The following ZBBX variants were observed in gnomAD, a reference collection of about 807,000 sequenced individuals.
The protein encoded by ZBBX is zinc finger B-box domain-containing protein 1.
In ZBBX, 101 loss-of-function variants were observed where a neutral mutation model predicts 108.5. That is an observed-to-expected ratio of 0.93 (90% CI 0.79 to 1.10). The LOEUF (loss-of-function observed/expected upper bound fraction) is 1.10, where lower values mean the gene tolerates loss of function less well. Ranked by LOEUF, ZBBX falls within the 50% of genes least tolerant of loss-of-function variation. The pLI is 0.00. For synonymous variants in ZBBX, 356 were observed against 323.4 expected (o/e 1.10, Z -1.08); for missense variants, 1,009 against 941.4 (o/e 1.07, Z -0.94).
chr3:167,248,870 G>A (rs1027926841), intron 20 of ZBBX, among the ~76,000 whole-genome samples: 3 of 152,206 alleles, frequency 2.0e-5, no homozygotes, highest in African/African-American at 4.8e-5. Context: ...TCCCTGCTTC[G>A]TGGGTACATA....
At chr3:167,235,162 C>T (rs1440144698), downstream of ZBBX, among the ~76,000 whole-genome samples, 1 of 151,624 alleles carries the variant, frequency 6.6e-6, no homozygotes, top group African/African-American at 2.4e-5. Flanking sequence ...CCTAACTTAT[C>T]CAGTAGCCTA....
At chr3:167,210,560 T>C in the ZBBX span, among the ~76,000 whole-genome samples, 1 of 152,096 alleles carries the variant, frequency 6.6e-6, no homozygotes. Flanking sequence ...ATGAGAAAGC[T>C]ATAGAACACC....
chr3:167,298,820 T>C (rs566029466), intron 17 of ZBBX, among the ~76,000 whole-genome samples: 16 of 152,154 alleles, frequency 1.1e-4, no homozygotes, highest in Middle Eastern at 3.4e-3. Flanking sequence ...TGTCTTTGTC[T>C]ATATATAAAA....
At chr3:167,245,788 T>C in intron 20 of ZBBX, among the ~76,000 whole-genome samples, 1 of 152,172 alleles carries the variant, frequency 6.6e-6, no homozygotes, top group Non-Finnish European at 1.5e-5. Context: ...ATGCTTCCCG[T>C]GCACTCTGCA....
the ZBBX span, among the ~76,000 whole-genome samples, chr3:167,220,665 G>C: frequency 1.3e-5 from 2 of 151,906 alleles, no homozygotes; most frequent in South Asian, 4.2e-4. Context: ...CTAAGATCTG[G>C]AACATAACAA....
At chr3:167,212,548 C>T in the ZBBX span, among the ~76,000 whole-genome samples, 1 of 152,190 alleles carries the variant, frequency 6.6e-6, no homozygotes, top group Non-Finnish European at 1.5e-5. Context: ...GACCCACATA[C>T]TCCCACAGCT....
Position 167,348,744 on chromosome 3 carries a change from C to CTA in ZBBX, c.528+1674_528+1675dup, listed in dbSNP as rs200562160. ...TTATACAAAAGAAACAGTAAACATACTATATATATATGAAGTGTATATTCG... is the reference window on the plus strand; with the variant it reads ...TTATACAAAAGAAACAGTAAACATACTATATATATATATGAAGTGTATATTCG... On this transcript the variant is annotated intron_variant, in intron 9 of 21. Transcript: ENST00000675490. Among the ~76,000 whole-genome samples, 1,019 of 151,846 alleles carry CTA rather than the reference C, an allele frequency of 6.7e-3. 9 individuals carry two copies. Among genetic ancestry groups the CTA allele is most frequent in the African/African-American group, 0.022 (908 of 41,426 alleles).
intron 20 of ZBBX, among the ~76,000 whole-genome samples, chr3:167,243,537 T>TA (rs1721044850): frequency 6.6e-6 from 1 of 152,106 alleles, no homozygotes; most frequent in East Asian, 1.9e-4. Context: ...TAGCTGGGAT[T>TA]ATAGGCATGT....
At chr3:167,180,904 G>C in the ZBBX span, among the ~76,000 whole-genome samples, 4 of 152,208 alleles carry the variant, frequency 2.6e-5, no homozygotes, top group African/African-American at 7.2e-5. Context: ...TCTAAGATCT[G>C]TCAACATTCC....
intron 8 of ZBBX, among the ~76,000 whole-genome samples, chr3:167,359,601 A>T (rs1744181083): frequency 6.6e-6 from 1 of 152,098 alleles, no homozygotes; most frequent in Admixed American, 6.6e-5. Flanking sequence ...TTTGTGTGCT[A>T]ATAGGTATGA....
chr3:167,309,291 T>C (rs1734188444), intron 16 of ZBBX, among the ~76,000 whole-genome samples: 1 of 152,194 alleles, frequency 6.6e-6, no homozygotes, highest in Admixed American at 6.5e-5. Flanking sequence ...TCAGTGGATC[T>C]ACCATTCTGT....
chr3:167,294,135 G>C (rs544285308), intron 18 of ZBBX, among the ~76,000 whole-genome samples: 136 of 152,280 alleles, frequency 8.9e-4, no homozygotes, highest in African/African-American at 3.2e-3. Context: ...GTAATTTATA[G>C]ATTCAATCCT....
At chr3:167,285,697 T>C (rs1729576798) in intron 19 of ZBBX, among the ~76,000 whole-genome samples, 3 of 152,120 alleles carry the variant, frequency 2.0e-5, no homozygotes, top group South Asian at 2.1e-4. Flanking sequence ...CTCAATCAAA[T>C]TCAATTATAA....
At chr3:167,371,067 C>T (rs996370809) in intron 4 of ZBBX, among the ~76,000 whole-genome samples, 4 of 152,030 alleles carry the variant, frequency 2.6e-5, no homozygotes, top group African/African-American at 7.2e-5. Flanking sequence ...GCTTGGAACA[C>T]GGAAAAAGTG....
At position 167,261,032 on chromosome 3, in the gene ZBBX, T is replaced by C. The variant is rs150000001; in HGVS notation, c.2255-18389A>G. Among the ~76,000 whole-genome samples, 96 of 152,316 alleles carry C rather than the reference T, an allele frequency of 6.3e-4. 2 individuals carry two copies. In the East Asian group the frequency reaches 0.018, roughly 29 times the overall value. ...TGTCCCACAGGGTGTTCCCTTGATG[T>C]AGTACTCTCCCCCTATTCCTATGGA... On this transcript the variant is annotated intron_variant, in intron 20 of 21. Coordinates refer to ENST00000675490, the MANE Select transcript of ZBBX (RefSeq NM_001199201.2).
chr3:167,196,942 T>C, the ZBBX span, among the ~76,000 whole-genome samples: 1 of 152,160 alleles, frequency 6.6e-6, no homozygotes, highest in African/African-American at 2.4e-5. Context: ...ACTCCAAGCA[T>C]CCTAAAGGTT....
At chr3:167,376,960 C>T (rs1454216208) in intron 2 of ZBBX, among the ~76,000 whole-genome samples, 1 of 152,074 alleles carries the variant, frequency 6.6e-6, no homozygotes, top group African/African-American at 2.4e-5. Context: ...CCTAATAAAA[C>T]CAGAGGAATA....
chr3:167,279,253 T>A (rs1728298442), intron 20 of ZBBX, among the ~76,000 whole-genome samples: 1 of 152,038 alleles, frequency 6.6e-6, no homozygotes, highest in African/African-American at 2.4e-5. Flanking sequence ...CCAGGGCAAT[T>A]AGGCAGGAGA....
chr3:167,375,399 C>T (rs1348350830), intron 2 of ZBBX, among the ~76,000 whole-genome samples: 2 of 152,082 alleles, frequency 1.3e-5, no homozygotes, highest in Non-Finnish European at 2.9e-5. Context: ...CGAGACCAGC[C>T]TGACTAACAT....
Sources: gnomAD v4.1 joint callset for allele counts (sites outside exome capture counted in the v4.1 genomes callset) on GRCh38, gnomAD v4.1.1 for gene constraint, MANE v1.5 for transcripts, NCBI Gene and HGNC (gene_info 2026-07-23, HGNC 2026-07-21) for gene names.